Variants in PRKRA observed in about 807,000 individuals in gnomAD.
PRKRA encodes the protein protein activator of interferon induced protein kinase EIF2AK2.
A neutral mutation model predicts 32.4 loss-of-function variants in PRKRA; 22 were observed. The observed-to-expected ratio is 0.68, with a 90% CI of 0.49 to 0.97. PRKRA has a LOEUF of 0.97. PRKRA is among the 50% of genes least tolerant of loss of function. The pLI is 0.00. For missense variants in PRKRA, 319 were observed against 375.6 expected (o/e 0.85, Z 1.25); for synonymous variants, 139 against 129.8 (o/e 1.07, Z -0.48).
chr2:178,446,926 G>A (rs1026347734), intron 3 of PRKRA, among the ~76,000 whole-genome samples: 1 of 145,382 alleles, frequency 6.9e-6, no homozygotes, highest in Admixed American at 7.1e-5. Context: ...CCGGGAGGCG[G>A]AGCTTGCAGT....
intron 1 of PRKRA, 22 bp downstream of exon 1, chr2:178,450,944 C>CCCTG: frequency 2.5e-6 from 2 of 786,884 alleles, no homozygotes; most frequent in South Asian, 3.9e-5. Context: ...GGCCCTGGGG[C>CCCTG]CCTGACTGCC....
At position 178,447,035 on chromosome 2, in the gene PRKRA, A is replaced by G. The variant is rs1697343769; in HGVS notation, c.317+470T>C. Reference sequence around the variant, plus strand: ...AAAAAAAATCTTACTTTAGAAAGATATGTCAAGAATTAATATCCCACTTAA... The same window carrying G: ...AAAAAAAATCTTACTTTAGAAAGATGTGTCAAGAATTAATATCCCACTTAA... On this transcript the variant is annotated intron_variant, in intron 3 of 7. Coordinates refer to ENST00000325748, the MANE Select transcript of PRKRA (RefSeq NM_003690.5). Among the ~76,000 whole-genome samples, 4 of 151,070 alleles carry G rather than the reference A, an allele frequency of 2.6e-5. No individual in the cohort carries two copies. The South Asian group carries it at 8.3e-4, about 31-fold the overall frequency.
intron 2 of PRKRA, chr2:178,449,962 C>A: frequency 1.9e-6 from 1 of 520,680 alleles, no homozygotes. Context: ...TAAGAAGAAC[C>A]CTAGGAGGAT....
In PRKRA at chr2:178,443,279, A is replaced by G; in HGVS notation, c.502T>C (p.Phe168Leu). ...AAGAAATAAGTACCAGTTTCCATAA[A>G]TGACTCTAGCCTGCAAATTGTAGTA... The part of the protein sequence containing the change: ...EYTTICRLES[F>L]METGKGASKK... The change falls in exon 5 of 8, where the codon TTT becomes CTT. Residue 168 changes from phenylalanine to leucine, a missense_variant. Physicochemically the swap from Phe to Leu is conservative, Grantham distance 22 (BLOSUM62 0). Coordinates refer to ENST00000325748, the MANE Select transcript of PRKRA (RefSeq NM_003690.5). 6.2e-7 allele frequency: 1 copy of G among 1,602,802 alleles called. No homozygotes were observed. The highest frequency in any genetic ancestry group is 8.5e-7 in the Non-Finnish European group (1 of 1,169,992).
chr2:178,440,018 T>C (rs1009774327), intron 6 of PRKRA: 1 of 152,106 alleles, frequency 6.6e-6, no homozygotes, highest in African/African-American at 2.4e-5. Context: ...TGTATTATGT[T>C]GGTTTTGGAG....
Position 178,451,074 on chromosome 2 carries a change from A to G in PRKRA, c.-44T>C. The G allele has an allele frequency of 6.5e-7, 1 of 1,539,656 alleles. No homozygotes were observed. The highest frequency in any genetic ancestry group is 8.7e-7 in the Non-Finnish European group (1 of 1,147,320). On this transcript the variant is annotated 5_prime_UTR_variant, in exon 1 of 8. Transcript: ENST00000325748. ...AGCGGCTGGAGGAAGAGCGGTGCGGAGCGACGTGCTCGCTCCCCGGGTCGC... is the reference window on the plus strand; with the variant it reads ...AGCGGCTGGAGGAAGAGCGGTGCGGGGCGACGTGCTCGCTCCCCGGGTCGC...
rs1696646079 is a variant in PRKRA at position 178,431,453 on chromosome 2, T to A, written c.*644A>T. The stretch of plus-strand genomic sequence containing the variant: ...TTACTTAGGCCATCATTTTTTATTT[T>A]CACCTTTGAATTTCAAAGTAAATTA... On this transcript the variant is annotated 3_prime_UTR_variant, in exon 8 of 8. Transcript: ENST00000325748. 6.5e-6 allele frequency: 1 copy of A among 153,172 alleles called. No homozygotes were observed. The highest frequency in any genetic ancestry group is 6.5e-5 in the Admixed American group (1 of 15,480). 9.5% of individuals were successfully genotyped at this position (153,172 alleles called of 1,614,324 possible). A position where few individuals can be genotyped will look rare whatever the true frequency, so the allele number is the denominator to read the frequency against.
At chr2:178,448,699 T>C (rs1697413851) in intron 2 of PRKRA, among the ~76,000 whole-genome samples, 1 of 152,098 alleles carries the variant, frequency 6.6e-6, no homozygotes, top group Non-Finnish European at 1.5e-5. Flanking sequence ...TGAGAGATGA[T>C]GGTGGCCTAG....
chr2:178,446,888 GA>G (rs1697330026), intron 3 of PRKRA, among the ~76,000 whole-genome samples: 1 of 150,548 alleles, frequency 6.6e-6, no homozygotes, highest in African/African-American at 2.4e-5. Flanking sequence ...AGCTACTTGG[GA>G]GGCTGAGGCA....
chr2:178,436,381 G>A lies in PRKRA; in HGVS notation c.610-62C>T, dbSNP rs932520837. On this transcript the variant is annotated intron_variant, in intron 6 of 7. Coordinates refer to ENST00000325748, the MANE Select transcript of PRKRA (RefSeq NM_003690.5). ...GGACTGGGTTCCAACACCCGTACCA[G>A]TATCATTAAAAGTACTTATTAAGCA... 4 of 1,090,062 alleles carry A rather than the reference G, an allele frequency of 3.7e-6. No homozygotes were observed. The African/African-American group carries it at 7.5e-5, about 20-fold the overall frequency. The allele number at this position is 1,090,062 out of a possible 1,614,324, so 67.5% of individuals were successfully genotyped here.
chr2:178,432,414 A>G (rs764822725), intron 7 of PRKRA, 160 bp from the exon 8 acceptor site: 3 of 856,270 alleles, frequency 3.5e-6, no homozygotes, highest in Non-Finnish European at 5.6e-6. Context: ...ACAAAAAACC[A>G]CAACTGCTCA....
At chr2:178,442,489 T>C (rs1443855805) in intron 5 of PRKRA, among the ~76,000 whole-genome samples, 1 of 152,138 alleles carries the variant, frequency 6.6e-6, no homozygotes, top group Non-Finnish European at 1.5e-5. Flanking sequence ...AATATCTACC[T>C]CCATGCTTTT....
intron 3 of PRKRA, 116 bp from the exon 4 acceptor site, chr2:178,444,616 T>A: frequency 1.5e-6 from 1 of 653,578 alleles, no homozygotes; most frequent in Non-Finnish European, 2.5e-6. Context: ...TCCTTCTACA[T>A]GGAATGCCCT....
At chr2:178,436,433 G>A in intron 6 of PRKRA, 114 bp from the exon 7 acceptor site, 1 of 678,356 alleles carries the variant, frequency 1.5e-6, no homozygotes. Flanking sequence ...TATAAAGCAT[G>A]TTTAAATGGA....
At chr2:178,444,272 C>T (rs1697230663) in intron 4 of PRKRA, 150 bp downstream of exon 4, 2 of 685,326 alleles carry the variant, frequency 2.9e-6, no homozygotes, top group Non-Finnish European at 4.9e-6. Context: ...AAAATAATTT[C>T]AAGTTAGCTC....
Position 178,444,409 on chromosome 2 carries a change from C to G in PRKRA, c.396+13G>C, listed in dbSNP as rs1697238910. ...ATATATTTCATCAGTAGGCAAAGAA[C>G]TGTACAACTTACCTGTAATGAACCA... is the stretch of plus-strand genomic sequence containing the variant. On this transcript the variant is annotated intron_variant, in intron 4 of 7. Transcript: ENST00000325748. 1 of 742,150 alleles carries G rather than the reference C, an allele frequency of 1.3e-6. No homozygotes were observed. Among genetic ancestry groups the G allele is most frequent in the Admixed American group, 3.9e-5 (1 of 25,754 alleles). The allele number at this position is 742,150 out of a possible 1,614,324, so 46.0% of individuals were successfully genotyped here.
intron 6 of PRKRA, among the ~76,000 whole-genome samples, chr2:178,438,612 A>C (rs941572562): frequency 4.6e-5 from 7 of 151,514 alleles, no homozygotes; most frequent in Non-Finnish European, 7.4e-5. Context: ...TTTCTTGGCT[A>C]TTCTTGAGGG....
intron 2 of PRKRA, among the ~76,000 whole-genome samples, chr2:178,449,597 T>A (rs1697465149): frequency 6.6e-6 from 1 of 152,274 alleles, no homozygotes; most frequent in African/African-American, 2.4e-5. Flanking sequence ...GCATGAACTT[T>A]AAAATTTCAT....
At position 178,441,887 on chromosome 2, in the gene PRKRA, C is replaced by CTTT. The variant is rs541455452; in HGVS notation, c.515-186_515-184dup. On this transcript the variant is annotated intron_variant, in intron 5 of 7. Transcript: ENST00000325748. Reference sequence around the variant, plus strand: ...TATTTTGTTTGTATAGCTATTAATTCTTTTTTTTTTTTTTTTTGAGACGGA... The same window carrying CTTT: ...TATTTTGTTTGTATAGCTATTAATTCTTTTTTTTTTTTTTTTTTTTGAGACGGA... Among the ~76,000 whole-genome samples, 2,583 of 131,694 alleles carry CTTT rather than the reference C, an allele frequency of 0.02. 72 individuals carry two copies. The highest frequency in any genetic ancestry group is 0.12 in the East Asian group (552 of 4,428). 86.4% of individuals were successfully genotyped at this position (131,694 alleles called of 152,430 possible). A position where few individuals can be genotyped will look rare whatever the true frequency, so the allele number is the denominator to read the frequency against.
Sources: gnomAD v4.1 joint callset for allele counts (sites outside exome capture counted in the v4.1 genomes callset) on GRCh38, gnomAD v4.1.1 for gene constraint, MANE v1.5 for transcripts, NCBI Gene and HGNC (gene_info 2026-07-23, HGNC 2026-07-21) for gene names.